The following ANO10 variants were observed in gnomAD, a reference collection of about 807,000 sequenced individuals.
ANO10 encodes anoctamin-10.
Under a neutral mutation model 74.7 loss-of-function variants are expected in ANO10, and 77 were observed. The observed-to-expected ratio is 1.03, with a 90% confidence interval of 0.86 to 1.25. The LOEUF is 1.25. Ranked by LOEUF, ANO10 falls within the 50% of genes most tolerant of loss-of-function variation. The probability of loss-of-function intolerance (pLI) is 0.00; values close to 1 mark genes in which losing one functional copy is unlikely to be tolerated. For missense variants in ANO10, 721 were observed against 778.1 expected, an observed-to-expected ratio of 0.93 and a Z score of 0.87; for synonymous variants, 279 against 284.9, an observed-to-expected ratio of 0.98 and a Z score of 0.21.
chr3:43,551,111 C>A (rs1471532351), intron 10 of ANO10, among the ~76,000 whole-genome samples: 4 of 152,172 alleles, frequency 2.6e-5, no homozygotes, highest in Non-Finnish European at 5.9e-5. Flanking sequence ...TTTATGTAAC[C>A]ATTTTCTTAT....
intron 1 of ANO10, among the ~76,000 whole-genome samples, chr3:43,606,647 TAA>T (rs562111619): frequency 1.4e-5 from 2 of 141,728 alleles, no homozygotes; most frequent in African/African-American, 2.6e-5. Context: ...ATATAACTAC[TAA>T]AAAAAAAAAA....
At chr3:43,610,104 T>C (rs2082741670) in intron 1 of ANO10, among the ~76,000 whole-genome samples, 1 of 152,138 alleles carries the variant, frequency 6.6e-6, no homozygotes, top group Non-Finnish European at 1.5e-5. Context: ...ATTTTATTTA[T>C]ATATTTATTC....
intron 11 of ANO10, among the ~76,000 whole-genome samples, chr3:43,540,457 T>TTG (rs1488061261): frequency 6.6e-6 from 1 of 152,260 alleles, no homozygotes; most frequent in Non-Finnish European, 1.5e-5. Context: ...TCTTTTATAA[T>TTG]TGTCTCATCT....
chr3:43,552,784 T>C (rs1006903917), intron 10 of ANO10, among the ~76,000 whole-genome samples: 5 of 150,810 alleles, frequency 3.3e-5, no homozygotes, highest in South Asian at 4.2e-4. Context: ...GTGTATTTTA[T>C]ATATATACAC....
chr3:43,568,755 C>T (rs6441783), intron 7 of ANO10, among the ~76,000 whole-genome samples: 81,401 of 136,488 alleles, frequency 0.6, 24,595 homozygotes, highest in East Asian at 0.89. Flanking sequence ...AATTGACACC[C>T]TAACATCACA....
At chr3:43,611,160 A>G (rs2082799832) in intron 1 of ANO10, among the ~76,000 whole-genome samples, 1 of 152,326 alleles carries the variant, frequency 6.6e-6, no homozygotes, top group Non-Finnish European at 1.5e-5. Context: ...GAGCAGAAGT[A>G]CTCACAACTC....
chr3:43,571,212 T>C (rs1277131862), intron 7 of ANO10, among the ~76,000 whole-genome samples: 3 of 151,448 alleles, frequency 2.0e-5, no homozygotes, highest in South Asian at 2.1e-4. Flanking sequence ...TGTGGAGAAA[T>C]AGGAACACTT....
intron 12 of ANO10, among the ~76,000 whole-genome samples, chr3:43,428,815 A>AAAAAAAAAAAAAAAAC (rs2092938140): frequency 6.6e-6 from 1 of 150,990 alleles, no homozygotes; most frequent in Non-Finnish European, 1.5e-5. Flanking sequence ...AAAAAAAAAA[A>AAAAAAAAAAAAAAAAC]AAAGTCATTG....
chr3:43,597,272 G>A (rs769874622), intron 4 of ANO10, among the ~76,000 whole-genome samples: 18 of 152,078 alleles, frequency 1.2e-4, no homozygotes, highest in South Asian at 6.2e-4. Context: ...GTATATACCC[G>A]AAGGATTATA....
chr3:43,457,804 C>A (rs1483209967), intron 11 of ANO10, among the ~76,000 whole-genome samples: 5 of 152,170 alleles, frequency 3.3e-5, no homozygotes, highest in Non-Finnish European at 7.4e-5. Flanking sequence ...AGGTGGAAAT[C>A]AAATTAACTA....
chr3:43,529,369 T>C (rs926956567), intron 11 of ANO10, among the ~76,000 whole-genome samples: 3 of 152,212 alleles, frequency 2.0e-5, no homozygotes, highest in Non-Finnish European at 4.4e-5. Context: ...GAGAAATCTT[T>C]TGCCACTCAA....
At chr3:43,517,905 T>A (rs2077779049) in intron 11 of ANO10, among the ~76,000 whole-genome samples, 1 of 152,190 alleles carries the variant, frequency 6.6e-6, no homozygotes, top group South Asian at 2.1e-4. Flanking sequence ...TCTGTGCTTA[T>A]CTGATTGTGG....
chr3:43,507,089 T>C (rs2077323773), intron 11 of ANO10, among the ~76,000 whole-genome samples: 1 of 152,218 alleles, frequency 6.6e-6, no homozygotes, highest in Non-Finnish European at 1.5e-5. Context: ...ATTCTAGAAG[T>C]CCTGTCAGTT....
chr3:43,596,504 A>C (rs561156171), intron 4 of ANO10, among the ~76,000 whole-genome samples: 19 of 152,082 alleles, frequency 1.2e-4, no homozygotes, highest in African/African-American at 4.6e-4. Context: ...CAAAAACAAG[A>C]AATAGGGAAA....
At chr3:43,631,034 T>C (rs2083540964) in intron 1 of ANO10, among the ~76,000 whole-genome samples, 1 of 152,226 alleles carries the variant, frequency 6.6e-6, no homozygotes, top group African/African-American at 2.4e-5. Context: ...GGTTCAAGAC[T>C]GAGTGAGTGA....
chr3:43,634,279 C>G (rs1296843892), intron 1 of ANO10, among the ~76,000 whole-genome samples: 1 of 151,950 alleles, frequency 6.6e-6, no homozygotes, highest in African/African-American at 2.4e-5. Flanking sequence ...TGCTAGATTT[C>G]CTTTTTACAT....
intron 4 of ANO10, among the ~76,000 whole-genome samples, chr3:43,593,292 C>T (rs187427374): frequency 3.1e-4 from 47 of 152,234 alleles, no homozygotes; most frequent in African/African-American, 9.9e-4. Context: ...AGAGCAACTC[C>T]AAGACACATA....
In ANO10 at chr3:43,470,544, C is replaced by A. The variant is rs1383660886; in HGVS notation, c.1798-37817G>T. 3.3e-5 allele frequency among the ~76,000 whole-genome samples: 5 copies of A among 151,920 alleles called. No individual in the cohort carries two copies. The East Asian group carries it at 9.6e-4, about 29-fold the overall frequency. On this transcript the variant is annotated intron_variant, in intron 11 of 12. Coordinates refer to ENST00000292246, the MANE Select transcript of ANO10 (RefSeq NM_018075.5). The stretch of plus-strand genomic sequence containing the variant: ...ATTTTTAGTAGAGACGGGGTTTCAC[C>A]GTGGTCTCGATCTCCTGACCTCATG...
intron 1 of ANO10, among the ~76,000 whole-genome samples, chr3:43,687,989 T>C (rs923559675): frequency 3.9e-5 from 6 of 152,156 alleles, no homozygotes; most frequent in African/African-American, 1.4e-4. Context: ...TGGCCAATTC[T>C]AGCTTGGATT....
Sources: gnomAD v4.1 joint callset for allele counts (sites outside exome capture counted in the v4.1 genomes callset) on GRCh38, gnomAD v4.1.1 for gene constraint, MANE v1.5 for transcripts, NCBI Gene and HGNC (gene_info 2026-07-23, HGNC 2026-07-21) for gene names.